The following UBAP1 variants were observed in gnomAD, a reference collection of about 807,000 sequenced individuals.
The protein encoded by UBAP1 is ubiquitin associated protein 1.
UBAP1 carries 5 observed loss-of-function variants against 39.0 expected under a neutral mutation model. The observed-to-expected ratio is 0.13, with a 90% confidence interval of 0.07 to 0.27. UBAP1 has a LOEUF of 0.27. UBAP1 is among the 10% of genes least tolerant of loss of function. UBAP1 has a pLI of 1.00. For missense variants in UBAP1, 490 were observed against 608.1 expected, an observed-to-expected ratio of 0.81 and a Z score of 2.04; for synonymous variants, 211 against 225.1, an observed-to-expected ratio of 0.94 and a Z score of 0.56.
At chr9:34,184,190 A>G (rs1363068416) in intron 1 of UBAP1, among the ~76,000 whole-genome samples, 1 of 152,172 alleles carries the variant, frequency 6.6e-6, no homozygotes, top group African/African-American at 2.4e-5. Flanking sequence ...GGTAACAGTA[A>G]TATTTTCCTA....
At chr9:34,220,743 A>G (rs938423501) in intron 1 of UBAP1, among the ~76,000 whole-genome samples, 165 bp from the exon 2 acceptor site, 2 of 152,100 alleles carry the variant, frequency 1.3e-5, no homozygotes, top group African/African-American at 4.8e-5. Flanking sequence ...GATTACAGGC[A>G]TGAGCCACAG....
chr9:34,203,132 T>C (rs1831494516), intron 1 of UBAP1, among the ~76,000 whole-genome samples: 1 of 152,126 alleles, frequency 6.6e-6, no homozygotes, highest in African/African-American at 2.4e-5. Flanking sequence ...TAATTAGGAT[T>C]TGGGTATGTA....
rs56012034 is a variant in UBAP1 at position 34,202,624 on chromosome 9, C to CGTGTGTGTGTGTGTGT, written c.-7-18245_-7-18230dup. Among the ~76,000 whole-genome samples the CGTGTGTGTGTGTGTGT allele has an allele frequency of 5.9e-4, 63 of 107,350 alleles. 2 individuals are homozygous for CGTGTGTGTGTGTGTGT. The highest frequency in any genetic ancestry group is 2.0e-3 in the African/African-American group (50 of 25,534). The allele number at this position is 107,350 out of a possible 152,430, so 70.4% of individuals were successfully genotyped here. A position where few individuals can be genotyped will look rare whatever the true frequency, so the allele number is the denominator to read the frequency against. ...ATGGGCCAGAAGCTGTAGACAGAAA[C>CGTGTGTGTGTGTGTGT]GTGTGTGTGTGTGTGTGTGTGTGTG... On this transcript the variant is annotated intron_variant, in intron 1 of 6. Coordinates refer to ENST00000297661, the MANE Select transcript of UBAP1 (RefSeq NM_016525.5).
intron 1 of UBAP1, among the ~76,000 whole-genome samples, chr9:34,218,367 G>T (rs1368971293): frequency 6.9e-6 from 1 of 144,390 alleles, no homozygotes; most frequent in African/African-American, 2.6e-5. Flanking sequence ...TCTAGGTGTT[G>T]TTTGGAAAAT....
intron 4 of UBAP1, among the ~76,000 whole-genome samples, chr9:34,243,482 CTTTT>C (rs1834061995): frequency 6.7e-6 from 1 of 150,316 alleles, no homozygotes; most frequent in Non-Finnish European, 1.5e-5. Flanking sequence ...TCTGGTGTTT[CTTTT>C]TTCTTTTTTT....
In UBAP1 at chr9:34,250,009, G is replaced by T. The variant is rs377553428; in HGVS notation, c.1266+48G>T. On this transcript the variant is annotated intron_variant, in intron 5 of 6. Transcript: ENST00000297661. ...GGGCAGGCTCAGACCTGTGGAGCTG[G>T]AGTAGTGTCCTCCCCTGTCCTAGAG... The T allele has an allele frequency of 1.7e-4, 279 of 1,596,842 alleles. 1 individual carries two copies. The highest frequency in any genetic ancestry group is 2.3e-4 in the Non-Finnish European group (272 of 1,168,384).
chr9:34,179,475 T>G (rs956091781), intron 1 of UBAP1, among the ~76,000 whole-genome samples: 19 of 151,038 alleles, frequency 1.3e-4, no homozygotes, highest in Non-Finnish European at 2.4e-4. Context: ...TGCGGAAAAA[T>G]GAGTTCGGAT....
At chr9:34,201,325 C>T (rs1325924196) in intron 1 of UBAP1, 1 of 152,156 alleles carries the variant, frequency 6.6e-6, no homozygotes, top group African/African-American at 2.4e-5. Context: ...GGCCAGATCA[C>T]CTGAAGTCAG....
intron 2 of UBAP1, among the ~76,000 whole-genome samples, chr9:34,233,285 G>A (rs573339877): frequency 8.7e-5 from 13 of 149,902 alleles, no homozygotes; most frequent in South Asian, 6.4e-4. Context: ...GCAGTGGCGC[G>A]ATCTCGGCTG....
Position 34,186,448 on chromosome 9 carries a change from A to G in UBAP1, c.-8+7208A>G, listed in dbSNP as rs376911302. On this transcript the variant is annotated intron_variant, in intron 1 of 6. Coordinates refer to ENST00000297661, the MANE Select transcript of UBAP1 (RefSeq NM_016525.5). ...GTGTTTTGAGTCACTGAATTGGCTC[A>G]TGGTAATTGTTAATCTTGTGGTTAC... Among the ~76,000 whole-genome samples the G allele has an allele frequency of 1.1e-4, 17 of 152,294 alleles. No homozygotes were observed. In the East Asian group the frequency reaches 3.3e-3, roughly 29 times the overall value.
intron 1 of UBAP1, among the ~76,000 whole-genome samples, chr9:34,195,777 A>G (rs2131520883): frequency 6.6e-6 from 1 of 151,640 alleles, no homozygotes; most frequent in African/African-American, 2.4e-5. Context: ...TTGTATTTTT[A>G]GTAGAGACGG....
At chr9:34,250,860 C>A in intron 6 of UBAP1, 101 bp downstream of exon 6, 1 of 927,750 alleles carries the variant, frequency 1.1e-6, no homozygotes, top group Middle Eastern at 2.1e-4. Flanking sequence ...TTTGCTTTGC[C>A]AGTGACTACA....
At chr9:34,202,379 G>A (rs1031253839) in intron 1 of UBAP1, among the ~76,000 whole-genome samples, 3 of 151,938 alleles carry the variant, frequency 2.0e-5, no homozygotes, top group South Asian at 4.2e-4. Context: ...TGATCCTCCC[G>A]CCTCAGCCTC....
chr9:34,205,706 T>G (rs917172880), intron 1 of UBAP1, among the ~76,000 whole-genome samples: 1 of 152,134 alleles, frequency 6.6e-6, no homozygotes, highest in African/African-American at 2.4e-5. Context: ...GAAATCAGAT[T>G]GGGTTGGCAG....
At chr9:34,231,174 TG>T (rs1833394957) in intron 2 of UBAP1, among the ~76,000 whole-genome samples, 2 of 135,288 alleles carry the variant, frequency 1.5e-5, no homozygotes, top group Non-Finnish European at 3.1e-5. Flanking sequence ...TGTGTGTGTG[TG>T]TTGGGGTCGG....
chr9:34,237,923 T>C (rs927775000), intron 3 of UBAP1, among the ~76,000 whole-genome samples: 1 of 152,220 alleles, frequency 6.6e-6, no homozygotes, highest in African/African-American at 2.4e-5. Context: ...TATATTCACA[T>C]AGTTGTGTAA....
intron 3 of UBAP1, among the ~76,000 whole-genome samples, chr9:34,238,472 C>A (rs139226938): frequency 6.6e-6 from 1 of 152,228 alleles, no homozygotes; most frequent in East Asian, 1.9e-4. Flanking sequence ...TTTTACAATC[C>A]CAGCAGCACT....
chr9:34,241,114 G>A lies in UBAP1; in HGVS notation c.160-71G>A. On this transcript the variant is annotated intron_variant, in intron 3 of 6. Transcript: ENST00000297661. ...TCCTCTTGCACCAGGAGTGAGGAAG[G>A]AGTGAATTGGGTGGTGGGGTAAAGA... 2.7e-6 allele frequency: 3 copies of A among 1,104,958 alleles called. No individual in the cohort carries two copies. The South Asian group carries it at 8.8e-5, about 32-fold the overall frequency. The allele number at this position is 1,104,958 out of a possible 1,614,324, so 68.4% of individuals were successfully genotyped here.
intron 1 of UBAP1, among the ~76,000 whole-genome samples, chr9:34,219,730 CCCCCTCCCCCTTCCCCT>C (rs1832563157): frequency 1.6e-5 from 1 of 63,562 alleles, no homozygotes; most frequent in Non-Finnish European, 3.4e-5. Context: ...CCCCTCCCCT[CCCCCTCCCCCTTCCCCT>C]CCCCTCCCCT....
Sources: allele counts gnomAD v4.1 joint callset (sites outside exome capture counted in the v4.1 genomes callset), GRCh38; gene constraint gnomAD v4.1.1; transcripts MANE v1.5; gene names NCBI Gene and HGNC (gene_info 2026-07-23, HGNC 2026-07-21).